Variants in ATP6V1G1 observed in about 807,000 individuals in gnomAD.
ATP6V1G1 encodes V-type proton ATPase subunit G 1.
A neutral mutation model predicts 14.2 loss-of-function variants in ATP6V1G1; 14 were observed. That is an observed-to-expected ratio of 0.99 (90% CI 0.65 to 1.55). The LOEUF (loss-of-function observed/expected upper bound fraction) is 1.55, where lower values mean the gene tolerates loss of function less well. Among genes scored for constraint, ATP6V1G1 ranks in the 40% most tolerant of loss-of-function variants. The pLI is 0.00. For synonymous variants in ATP6V1G1, 65 were observed against 53.3 expected (o/e 1.22, Z -0.96); for missense variants, 137 against 146.4 (o/e 0.94, Z 0.33).
At chr9:114,591,563 G>C (rs562425916) in intron 1 of ATP6V1G1, among the ~76,000 whole-genome samples, 3 of 152,300 alleles carry the variant, frequency 2.0e-5, no homozygotes, top group Admixed American at 6.5e-5. Flanking sequence ...GGAGTTTTGA[G>C]AGAGAGACCT....
At chr9:114,594,374 C>G (rs1359550817) in intron 2 of ATP6V1G1, among the ~76,000 whole-genome samples, 1 of 150,240 alleles carries the variant, frequency 6.7e-6, no homozygotes, top group Non-Finnish European at 1.5e-5. Flanking sequence ...CAGCGCCCCC[C>G]GCCCCTTTTT....
intron 1 of ATP6V1G1, among the ~76,000 whole-genome samples, chr9:114,588,781 C>T (rs551172772): frequency 4.6e-5 from 7 of 152,266 alleles, no homozygotes; most frequent in African/African-American, 1.4e-4. Flanking sequence ...TCTCTGCAAT[C>T]AGTCATCCTT....
chr9:114,589,526 C>G (rs1320841716), intron 1 of ATP6V1G1, among the ~76,000 whole-genome samples: 1 of 152,188 alleles, frequency 6.6e-6, no homozygotes, highest in African/African-American at 2.4e-5. Flanking sequence ...CATGTCTCCT[C>G]TACTTGTGCA....
intron 2 of ATP6V1G1, among the ~76,000 whole-genome samples, chr9:114,596,595 C>T (rs1845241000): frequency 6.6e-6 from 1 of 152,076 alleles, no homozygotes; most frequent in South Asian, 2.1e-4. Flanking sequence ...AATGGTGAAA[C>T]TCCTTGTATA....
chr9:114,593,693 C>G (rs1845206589), intron 2 of ATP6V1G1, among the ~76,000 whole-genome samples: 2 of 151,894 alleles, frequency 1.3e-5, no homozygotes, highest in South Asian at 4.1e-4. Flanking sequence ...GAGATAGGGT[C>G]TTGCTGTGTT....
At position 114,592,540 on chromosome 9, in the gene ATP6V1G1, C is replaced by A; in HGVS notation, c.83-12C>A. 6.4e-7 allele frequency: 1 copy of A among 1,556,062 alleles called. No individual in the cohort carries two copies. The highest frequency in any genetic ancestry group is 2.4e-5 in the East Asian group (1 of 41,770). ...AACCACTTCCTGATATAGCTCTCTCCTTTGAAAACAGGAAAGAACCGGAGG... is the reference window on the plus strand; with the variant it reads ...AACCACTTCCTGATATAGCTCTCTCATTTGAAAACAGGAAAGAACCGGAGG... On this transcript the variant is annotated splice_polypyrimidine_tract_variant and intron_variant, in intron 1 of 2. Transcript: ENST00000374050.
intron 2 of ATP6V1G1, among the ~76,000 whole-genome samples, chr9:114,595,528 C>T (rs528583922): frequency 3.0e-4 from 45 of 152,270 alleles, no homozygotes; most frequent in African/African-American, 9.9e-4. Context: ...GTGGTGTATA[C>T]GTGTAGTTCC....
chr9:114,591,457 A>T (rs1845181335), intron 1 of ATP6V1G1, among the ~76,000 whole-genome samples: 1 of 152,190 alleles, frequency 6.6e-6, no homozygotes, highest in Admixed American at 6.6e-5. Context: ...TGATGGGAAG[A>T]TAGCATGTGA....
At position 114,592,545 on chromosome 9, in the gene ATP6V1G1, A is replaced by G; in HGVS notation, c.83-7A>G. On this transcript the variant is annotated splice_polypyrimidine_tract_variant and splice_region_variant and intron_variant, in intron 1 of 2. Coordinates refer to ENST00000374050, the MANE Select transcript of ATP6V1G1 (RefSeq NM_004888.4). The stretch of plus-strand genomic sequence containing the variant: ...CTTCCTGATATAGCTCTCTCCTTTG[A>G]AAACAGGAAAGAACCGGAGGCTGAA... 1 of 1,558,124 alleles carries G rather than the reference A, an allele frequency of 6.4e-7. No individual in the cohort carries two copies. Among genetic ancestry groups the G allele is most frequent in the Non-Finnish European group, 8.7e-7 (1 of 1,151,078 alleles).
At chr9:114,594,790 A>G (rs1277899371) in intron 2 of ATP6V1G1, among the ~76,000 whole-genome samples, 1 of 151,746 alleles carries the variant, frequency 6.6e-6, no homozygotes, top group Non-Finnish European at 1.5e-5. Context: ...TTGATTATAG[A>G]GATGGTACTG....
intron 2 of ATP6V1G1, among the ~76,000 whole-genome samples, chr9:114,594,995 G>A (rs76215957): frequency 6.7e-6 from 1 of 150,170 alleles, no homozygotes; most frequent in Non-Finnish European, 1.5e-5. Flanking sequence ...AAGTAGCTGG[G>A]ATTACAGGTG....
In ATP6V1G1 at chr9:114,598,396, T is replaced by TC. The variant is rs35869053; in HGVS notation, c.*656dup. 2.0e-5 allele frequency: 3 copies of TC among 152,294 alleles called. No individual in the cohort carries two copies. In the East Asian group the frequency reaches 5.9e-4, roughly 30 times the overall value. 9.4% of individuals were successfully genotyped at this position (152,294 alleles called of 1,614,324 possible). A position where few individuals can be genotyped will look rare whatever the true frequency, so the allele number is the denominator to read the frequency against. ...GCATTTTTCCCCATTCTTTTTTTTT[T>TC]CCCTGTCTCCGTGACAACCAGTGGT... is the stretch of plus-strand genomic sequence containing the variant. On this transcript the variant is annotated 3_prime_UTR_variant, in exon 3 of 3. Coordinates refer to ENST00000374050, the MANE Select transcript of ATP6V1G1 (RefSeq NM_004888.4).
chr9:114,596,986 C>CTTTTTTTTT (rs71367785), intron 2 of ATP6V1G1, among the ~76,000 whole-genome samples: 3 of 104,582 alleles, frequency 2.9e-5, no homozygotes, highest in Non-Finnish European at 5.6e-5. Context: ...ATAGCAGATT[C>CTTTTTTTTT]TTTTTTTTTT....
chr9:114,590,275 T>G (rs1355719624), intron 1 of ATP6V1G1, among the ~76,000 whole-genome samples: 3 of 150,576 alleles, frequency 2.0e-5, no homozygotes, highest in Non-Finnish European at 3.0e-5. Context: ...TTTTTTTTTT[T>G]TTGAGACAGA....
intron 2 of ATP6V1G1, among the ~76,000 whole-genome samples, chr9:114,597,140 G>A (rs1005283342): frequency 6.6e-6 from 1 of 151,582 alleles, no homozygotes; most frequent in African/African-American, 2.4e-5. Flanking sequence ...ACAGGCGCCC[G>A]CTACCACGCC....
At chr9:114,596,733 A>G (rs1292834619) in intron 2 of ATP6V1G1, among the ~76,000 whole-genome samples, 1 of 152,156 alleles carries the variant, frequency 6.6e-6, no homozygotes, top group Admixed American at 6.5e-5. Flanking sequence ...AGCTGAGACT[A>G]CAGGCATGCA....
At chr9:114,596,247 G>T (rs972426876) in intron 2 of ATP6V1G1, among the ~76,000 whole-genome samples, 4 of 152,084 alleles carry the variant, frequency 2.6e-5, no homozygotes, top group African/African-American at 7.2e-5. Flanking sequence ...AATTAGCCGG[G>T]CGTGGTGGCT....
rs66783144 is a variant in ATP6V1G1, at chr9:114,588,510, A to AGTGTGTGTGTGT, written c.82+609_82+620dup. On this transcript the variant is annotated intron_variant, in intron 1 of 2. Coordinates refer to ENST00000374050, the MANE Select transcript of ATP6V1G1 (RefSeq NM_004888.4). The stretch of plus-strand genomic sequence containing the variant: ...TGTGTTTCTAACATGTGGCAAGCGC[A>AGTGTGTGTGTGT]GTGTGTGTGTGTGTGTGTGTGTGTG... Among the ~76,000 whole-genome samples the AGTGTGTGTGTGT allele has an allele frequency of 1.5e-3, 216 of 147,192 alleles. 2 individuals carry two copies. The East Asian group carries it at 0.023, about 16-fold the overall frequency.
At position 114,592,592 on chromosome 9, in the gene ATP6V1G1, G is replaced by C; in HGVS notation, c.123G>C (p.Gln41His). 6.3e-7 allele frequency: 1 copy of C among 1,575,104 alleles called. No individual in the cohort carries two copies. Among genetic ancestry groups the C allele is most frequent in the Non-Finnish European group, 8.6e-7 (1 of 1,159,692 alleles). The change falls in exon 2 of 3, where the codon CAG becomes CAC. Residue 41 changes from glutamine to histidine, a missense_variant. By Grantham distance (24) the Gln-to-His change is conservative (BLOSUM62 0). Coordinates refer to ENST00000374050, the MANE Select transcript of ATP6V1G1 (RefSeq NM_004888.4). The part of the protein sequence containing the change: ...RRLKQAKEEA[Q>H]AEIEQYRLQR... ...TGAAGCAGGCCAAAGAAGAAGCTCAGGCTGAAATTGAACAGTACCGCCTGC... is the reference window on the plus strand; with the variant it reads ...TGAAGCAGGCCAAAGAAGAAGCTCACGCTGAAATTGAACAGTACCGCCTGC...
Sources: allele counts gnomAD v4.1 joint callset (sites outside exome capture counted in the v4.1 genomes callset), GRCh38; gene constraint gnomAD v4.1.1; transcripts MANE v1.5; gene names NCBI Gene and HGNC (gene_info 2026-07-23, HGNC 2026-07-21).